Variants in GRM6 observed in about 807,000 individuals in gnomAD.
GRM6 encodes metabotropic glutamate receptor 6.
A neutral mutation model predicts 78.4 loss-of-function variants in GRM6; 73 were observed. That is an observed-to-expected ratio of 0.93 (90% CI 0.77 to 1.13). The LOEUF (loss-of-function observed/expected upper bound fraction) is 1.13, where lower values mean the gene tolerates loss of function less well. Among genes scored for constraint, GRM6 ranks in the 50% most tolerant of loss-of-function variants. GRM6 has a pLI of 0.00. For missense variants in GRM6, 1,251 were observed against 1,256.4 expected (o/e 1.00, Z 0.07); for synonymous variants, 580 against 555.0 (o/e 1.05, Z -0.63).
At chr5:178,985,576 G>A (rs368592829) in intron 9 of GRM6, 4,527 of 338,742 alleles carry the variant, frequency 0.013, 76 homozygotes, top group East Asian at 0.048. Flanking sequence ...GGTGGCGGGC[G>A]CCTGTAGTCC....
At position 178,992,093 on chromosome 5, in the gene GRM6, AG is replaced by A; in HGVS notation, c.505-11del. 1 of 1,602,318 alleles carries A rather than the reference AG, an allele frequency of 6.2e-7. No homozygotes were observed. The highest frequency in any genetic ancestry group is 8.5e-7 in the Non-Finnish European group (1 of 1,170,006). On this transcript the variant is annotated splice_polypyrimidine_tract_variant and intron_variant, in intron 2 of 10. Transcript: ENST00000517717. The surrounding 1 kb of genome is among the most constrained non-coding windows in gnomAD (Gnocchi z 4.9). ...AGCTGATCTGGGGTATCTGTGGGGC[AG>A]GAAGGACAGCTGGGCTGTGGATGGA...
Position 178,986,928 on chromosome 5 carries a change from G to A in GRM6, c.1410C>T (p.Tyr470=), listed in dbSNP as rs144280222. The change falls in exon 8 of 11, where the codon TAC becomes TAT. Residue 470 remains tyrosine (Y), a synonymous_variant. Transcript: ENST00000517717. ...FNENGDAPGR[Y]DIFQYQATNG... is the part of the protein sequence containing the mutation. ...TGGTCGCCTGGTACTGGAAGATGTC[G>A]TACCGCCCGGGCGCATCTCCGTTCT... The A allele has an allele frequency of 9.5e-4, 1,541 of 1,614,060 alleles. 10 individuals are homozygous for A. In the African/African-American group the frequency reaches 0.016, roughly 17 times the overall value.
Position 178,991,882 on chromosome 5 carries a change from T to C in GRM6, c.706A>G (p.Ile236Val). ...CCCAGCTCACCAGCCTCTCGGGAGATCTGAACGAAGGCCTCAACCCCACTT... is the reference window on the plus strand; with the variant it reads ...CCCAGCTCACCAGCCTCTCGGGAGACCTGAACGAAGGCCTCAACCCCACTT... ...GESGVEAFVQ[I>V]SREAGGVCIA... Residue 236 changes from isoleucine (I) to valine (V), a missense_variant, in exon 3 of 11, where the codon ATC (isoleucine) becomes GTC (valine). Coordinates refer to ENST00000517717, the MANE Select transcript of GRM6 (RefSeq NM_000843.4). This position sits in a 1 kb window ranked among gnomAD's most constrained non-coding sequence, Gnocchi z 5.0. 1.9e-6 allele frequency: 3 copies of C among 1,613,766 alleles called. No homozygotes were observed. The South Asian group carries it at 3.3e-5, about 18-fold the overall frequency.
chr5:178,985,292 C>T (rs1164978296), intron 9 of GRM6: 1 of 456,166 alleles, frequency 2.2e-6, no homozygotes, highest in Non-Finnish European at 4.4e-6. Flanking sequence ...TCTCTGGAGG[C>T]CCACACTCCC....
In GRM6 at chr5:178,994,426, C is replaced by T; in HGVS notation, c.504+15G>A. On this transcript the variant is annotated intron_variant, in intron 2 of 10. Coordinates refer to ENST00000517717, the MANE Select transcript of GRM6 (RefSeq NM_000843.4). The stretch of plus-strand genomic sequence containing the variant: ...GAGGGACGCTGGACACCGAGCCCGG[C>T]CCCGCGGCCCTCACCGCAAACAGGC... The T allele has an allele frequency of 2.0e-6, 3 of 1,489,448 alleles. No homozygotes were observed. Among genetic ancestry groups the T allele is most frequent in the South Asian group, 1.3e-5 (1 of 79,646 alleles). 92.3% of individuals were successfully genotyped at this position (1,489,448 alleles called of 1,614,324 possible).
chr5:178,983,924 G>A (rs1760457287), intron 9 of GRM6, among the ~76,000 whole-genome samples: 2 of 152,212 alleles, frequency 1.3e-5, no homozygotes, highest in Non-Finnish European at 2.9e-5. Flanking sequence ...GCCTGATTGG[G>A]GGCAGGGGTG....
Position 178,994,750 on chromosome 5 carries a change from G to A in GRM6, c.195C>T (p.Gly65=), listed in dbSNP as rs1482918087. The change falls in exon 2 of 11, where the codon GGC becomes GGT. Residue 65 remains glycine (G), a synonymous_variant. Transcript: ENST00000517717. ...ACAGCATGGCCTCCAGCCGGTGCACGCCCTGCTCCTTCTTCAGCTGCCCGC... is the reference window on the plus strand; with the variant it reads ...ACAGCATGGCCTCCAGCCGGTGCACACCCTGCTCCTTCTTCAGCTGCCCGC... ...RACGQLKKEQ[G]VHRLEAMLYA... is the part of the protein sequence containing the mutation. The A allele has an allele frequency of 2.1e-6, 3 of 1,421,656 alleles. No homozygotes were observed. The highest frequency in any genetic ancestry group is 3.2e-5 in the East Asian group (1 of 31,486). 88.1% of individuals were successfully genotyped at this position (1,421,656 alleles called of 1,614,324 possible). A position where few individuals can be genotyped will look rare whatever the true frequency, so the allele number is the denominator to read the frequency against.
In GRM6 at chr5:178,982,846, T is replaced by C. The variant is rs1371568643; in HGVS notation, c.2436+64A>G. On this transcript the variant is annotated intron_variant, in intron 10 of 10. Transcript: ENST00000517717. ...AAGCACGAACAAGCATTTAATCTCATGAATGAATCGACCAGCCTGACAGGC... is the reference window on the plus strand; with the variant it reads ...AAGCACGAACAAGCATTTAATCTCACGAATGAATCGACCAGCCTGACAGGC... 3.5e-6 allele frequency: 4 copies of C among 1,152,450 alleles called. No individual in the cohort carries two copies. The African/African-American group carries it at 6.0e-5, about 17-fold the overall frequency. 71.4% of individuals were successfully genotyped at this position (1,152,450 alleles called of 1,614,324 possible). A position where few individuals can be genotyped will look rare whatever the true frequency, so the allele number is the denominator to read the frequency against.
chr5:178,989,111 G>A lies in GRM6; in HGVS notation c.1178C>T (p.Ser393Phe), dbSNP rs368130268. 3 of 1,613,928 alleles carry A rather than the reference G, an allele frequency of 1.9e-6. No homozygotes were observed. The highest frequency in any genetic ancestry group is 1.3e-5 in the African/African-American group (1 of 74,920). ...CACCTTGCCCTCCTGCTCGTAGGTG[G>A]AGTCCCGGCCGATGCGTTCCTCGCC... The part of the protein sequence containing the change: ...CTGEERIGRD[S>F]TYEQEGKVQF... The change falls in exon 7 of 11, where the codon TCC (serine) becomes TTC (phenylalanine). Residue 393 changes from serine (S) to phenylalanine (F), a missense_variant. By Grantham distance (155) the Ser-to-Phe change is radical. Coordinates refer to ENST00000517717, the MANE Select transcript of GRM6 (RefSeq NM_000843.4).
At chr5:178,985,651 T>G (rs536161691) in intron 9 of GRM6, 36 of 382,482 alleles carry the variant, frequency 9.4e-5, no homozygotes, top group African/African-American at 1.6e-4. Context: ...TGCAGGGAGC[T>G]GAGATAGTGC....
In GRM6 at chr5:178,985,634, C is replaced by T. The variant is rs534461397; in HGVS notation, c.2124+496G>A. On this transcript the variant is annotated intron_variant, in intron 9 of 10. Coordinates refer to ENST00000517717, the MANE Select transcript of GRM6 (RefSeq NM_000843.4). ...AGGAGAATGGCGTGAACCCGGAAGG[C>T]AGAGCTTGCAGGGAGCTGAGATAGT... 242 of 370,670 alleles carry T rather than the reference C, an allele frequency of 6.5e-4. 2 individuals are homozygous for T. The highest frequency in any genetic ancestry group is 1.9e-3 in the South Asian group (93 of 50,078). The allele number at this position is 370,670 out of a possible 1,614,324, so 23.0% of individuals were successfully genotyped here.
At chr5:178,989,215 T>TCCCCCCCCCCCCCC in intron 6 of GRM6, 50 bp downstream of exon 6, 2 of 886,676 alleles carry the variant, frequency 2.3e-6, no homozygotes, top group Non-Finnish European at 3.2e-6. Flanking sequence ...CTCCCCACCC[T>TCCCCCCCCCCCCCC]CACCACCCTC....
Position 178,986,208 on chromosome 5 carries a change from G to C in GRM6, c.2046C>G (p.Gly682=). ...AGGGAGGGGGTGTGACCGAGCGCTT[G>C]CCCTGCTCAAAGATGCGGTAGATAC... The part of the protein sequence containing the change: ...TNRIYRIFEQ[G]KRSVTPPPFI... Residue 682 remains glycine, a synonymous_variant, in exon 9 of 11, where the codon GGC becomes GGG. Coordinates refer to ENST00000517717, the MANE Select transcript of GRM6 (RefSeq NM_000843.4). 1 of 1,614,140 alleles carries C rather than the reference G, an allele frequency of 6.2e-7. No homozygotes were observed. The highest frequency in any genetic ancestry group is 8.5e-7 in the Non-Finnish European group (1 of 1,180,016).
chr5:178,983,379 G>A (rs1334606794), intron 9 of GRM6, 158 bp from the exon 10 acceptor site: 2 of 742,768 alleles, frequency 2.7e-6, no homozygotes, highest in African/African-American at 3.4e-5. Context: ...ACTCAGTGGA[G>A]AAGAGGGGAT....
rs374989464 is a variant in GRM6 at position 178,986,781 on chromosome 5, C to T, written c.1501-28G>A. The T allele has an allele frequency of 3.0e-4, 487 of 1,610,622 alleles. 2 individuals are homozygous for T. Among genetic ancestry groups the T allele is most frequent in the Non-Finnish European group, 7.4e-5 (87 of 1,179,580 alleles). ...GGGACGCACAAAACACAGGCTGGGGCGTCTGCCTCCGGGATCCTGGGCCCA... is the reference window on the plus strand; with the variant it reads ...GGGACGCACAAAACACAGGCTGGGGTGTCTGCCTCCGGGATCCTGGGCCCA... On this transcript the variant is annotated intron_variant, in intron 8 of 10. Transcript: ENST00000517717.
chr5:178,992,449 G>C lies in GRM6; in HGVS notation c.505-366C>G, dbSNP rs2113344391. 1 of 391,232 alleles carries C rather than the reference G, an allele frequency of 2.6e-6. No homozygotes were observed. The highest frequency in any genetic ancestry group is 2.0e-5 in the South Asian group (1 of 49,738). The allele number at this position is 391,232 out of a possible 1,614,324, so 24.2% of individuals were successfully genotyped here. A position where few individuals can be genotyped will look rare whatever the true frequency, so the allele number is the denominator to read the frequency against. Reference sequence around the variant, plus strand: ...AGCTGCATCTGCCTGTCCTAGTCAGGCCCAGGGCAAAGCACGTTTTCTTGA... The same window carrying C: ...AGCTGCATCTGCCTGTCCTAGTCAGCCCCAGGGCAAAGCACGTTTTCTTGA... On this transcript the variant is annotated intron_variant, in intron 2 of 10. Transcript: ENST00000517717. The surrounding 1 kb of genome is among the most constrained non-coding windows in gnomAD (Gnocchi z 4.9).
intron 7 of GRM6, 115 bp from the exon 8 acceptor site, chr5:178,987,098 T>C (rs1760582554): frequency 9.2e-7 from 1 of 1,084,154 alleles, no homozygotes; most frequent in African/African-American, 1.6e-5. Flanking sequence ...TCACTGCTCA[T>C]AAGGGACGTG....
rs140106121 is a variant in GRM6, at chr5:178,987,561, A to G, written c.1355-578T>C. ...GCTCGGTGAAACAAGCCAGTCACAC[A>G]TGCGCAAATACCGTCTGATGCCACC... On this transcript the variant is annotated intron_variant, in intron 7 of 10. Coordinates refer to ENST00000517717, the MANE Select transcript of GRM6 (RefSeq NM_000843.4). The G allele has an allele frequency of 3.8e-4, 158 of 416,604 alleles. 1 individual carries two copies. The highest frequency in any genetic ancestry group is 2.7e-3 in the African/African-American group (132 of 49,206). The allele number at this position is 416,604 out of a possible 1,614,324, so 25.8% of individuals were successfully genotyped here. A position where few individuals can be genotyped will look rare whatever the true frequency, so the allele number is the denominator to read the frequency against.
rs115104950 is a variant in GRM6, at chr5:178,991,609, C to T, written c.722-50G>A. ...AGCTTCCGTCCCACCCACCCACACA[C>T]CCACCTGGCCACCGCTGCAGAGGAC... On this transcript the variant is annotated intron_variant, in intron 3 of 10. Transcript: ENST00000517717. The surrounding 1 kb of genome is among the most constrained non-coding windows in gnomAD (Gnocchi z 5.0). 3.2e-6 allele frequency: 5 copies of T among 1,584,064 alleles called. No homozygotes were observed. Among genetic ancestry groups the T allele is most frequent in the South Asian group, 2.2e-5 (2 of 90,546 alleles).
Sources: allele counts gnomAD v4.1 joint callset (sites outside exome capture counted in the v4.1 genomes callset), GRCh38; gene constraint gnomAD v4.1.1; non-coding constraint Gnocchi (gnomAD v3.1); transcripts MANE v1.5; gene names NCBI Gene and HGNC (gene_info 2026-07-23, HGNC 2026-07-21).